The following CADM1 variants were observed in gnomAD, a reference collection of about 807,000 sequenced individuals.
The protein encoded by CADM1 is TSLC-1.
A neutral mutation model predicts 53.1 loss-of-function variants in CADM1; 15 were observed. The observed-to-expected ratio is 0.28, with a 90% CI of 0.19 to 0.44. The LOEUF (loss-of-function observed/expected upper bound fraction) is 0.44, where lower values mean the gene tolerates loss of function less well. Ranked by LOEUF, CADM1 falls within the 20% of genes least tolerant of loss-of-function variation. The pLI is 1.00. For synonymous variants in CADM1, 281 were observed against 243.0 expected (o/e 1.16, Z -1.45); for missense variants, 434 against 611.3 (o/e 0.71, Z 3.06).
intron 1 of CADM1, among the ~76,000 whole-genome samples, chr11:115,340,658 A>ATATTTTTTTT (rs60532835): frequency 1.7e-4 from 6 of 34,944 alleles, no homozygotes; most frequent in African/African-American, 5.6e-4. Context: ...ATATATATAT[A>ATATTTTTTTT]TTTTTTTTTT....
intron 1 of CADM1, among the ~76,000 whole-genome samples, chr11:115,374,163 C>G (rs1350771127): frequency 6.6e-6 from 1 of 152,050 alleles, no homozygotes; most frequent in African/African-American, 2.4e-5. Flanking sequence ...AAAAAACCTT[C>G]TAAGATGAGC....
chr11:115,202,605 TTTGA>T (rs1445861693), intron 8 of CADM1, among the ~76,000 whole-genome samples: 1 of 152,200 alleles, frequency 6.6e-6, no homozygotes, highest in African/African-American at 2.4e-5. Flanking sequence ...TTCTCTCATT[TTTGA>T]TTGTCATAAG....
At position 115,171,823 on chromosome 11, in the gene CADM1, T is replaced by A. The variant is rs1012068121; in HGVS notation, c.*4651A>T. On this transcript the variant is annotated 3_prime_UTR_variant, in exon 12 of 12. Transcript: ENST00000331581. The stretch of plus-strand genomic sequence containing the variant: ...TTGGAATAAGTCTGCTAATGAATGG[T>A]GAAGAGAAAAGGGTCATTAAACCTT... The A allele has an allele frequency of 2.0e-5, 3 of 152,172 alleles. No individual in the cohort carries two copies. Among genetic ancestry groups the A allele is most frequent in the African/African-American group, 7.2e-5 (3 of 41,412 alleles). 9.4% of individuals were successfully genotyped at this position (152,172 alleles called of 1,614,324 possible). A position where few individuals can be genotyped will look rare whatever the true frequency, so the allele number is the denominator to read the frequency against.
Position 115,238,612 on chromosome 11 carries a change from G to A in CADM1, c.312C>T (p.Ser104=). The A allele has an allele frequency of 6.2e-7, 1 of 1,613,866 alleles. No homozygotes were observed. Among genetic ancestry groups the A allele is most frequent in the Non-Finnish European group, 8.5e-7 (1 of 1,179,826 alleles). ...TTGTCAATGATACTTTGAGTTCACT[G>A]CTAGAAAAATTCAGCAACTGAAACC... is the stretch of plus-strand genomic sequence containing the variant. ...DSRFQLLNFS[S]SELKVSLTNV... is the part of the protein sequence containing the mutation. Residue 104 remains serine, a synonymous_variant, in exon 3 of 12, where the codon AGC becomes AGT. Coordinates refer to ENST00000331581, the MANE Select transcript of CADM1 (RefSeq NM_001301043.2).
intron 1 of CADM1, among the ~76,000 whole-genome samples, chr11:115,406,922 C>T (rs1255123629): frequency 1.3e-5 from 2 of 150,672 alleles, no homozygotes; most frequent in Non-Finnish European, 2.9e-5. Context: ...TGCACTCCAG[C>T]CTGGGCAACA....
At chr11:115,320,717 TAA>T (rs1944802122) in intron 1 of CADM1, among the ~76,000 whole-genome samples, 1 of 151,750 alleles carries the variant, frequency 6.6e-6, no homozygotes, top group South Asian at 2.1e-4. Flanking sequence ...TAATTAAATA[TAA>T]GTCAGGTCTC....
intron 1 of CADM1, among the ~76,000 whole-genome samples, chr11:115,305,559 G>A (rs575649902): frequency 1.7e-3 from 258 of 152,002 alleles, no homozygotes; most frequent in Non-Finnish European, 3.2e-3. Context: ...AATGAGATAA[G>A]GGATAAATAG....
chr11:115,443,955 C>T (rs767571606), intron 1 of CADM1, among the ~76,000 whole-genome samples: 1 of 152,184 alleles, frequency 6.6e-6, no homozygotes, highest in South Asian at 2.1e-4. Flanking sequence ...GGTGGTTGGT[C>T]GGGTCTTTTT....
Position 115,504,253 on chromosome 11 carries a change from G to A in CADM1, c.124+18C>T, listed in dbSNP as rs1473372247. 4 of 1,569,678 alleles carry A rather than the reference G, an allele frequency of 2.5e-6. No homozygotes were observed. The African/African-American group carries it at 4.1e-5, about 16-fold the overall frequency. ...CCTTCGGAGATTTAGGGGCCAACCG[G>A]TCGGTGCCCACACCTACCTGTGGGG... On this transcript the variant is annotated intron_variant, in intron 1 of 11. Transcript: ENST00000331581.
At chr11:115,344,549 C>T (rs536391907) in intron 1 of CADM1, among the ~76,000 whole-genome samples, 1 of 152,296 alleles carries the variant, frequency 6.6e-6, no homozygotes, top group East Asian at 1.9e-4. Context: ...AACTCCTCCC[C>T]TACCTCACCC....
intron 1 of CADM1, among the ~76,000 whole-genome samples, chr11:115,490,354 T>C (rs1011520968): frequency 2.0e-5 from 3 of 150,382 alleles, no homozygotes; most frequent in African/African-American, 7.4e-5. Flanking sequence ...TTCATCAGAA[T>C]AGGAAACATG....
intron 1 of CADM1, chr11:115,397,546 G>C (rs189366459): frequency 6.6e-6 from 1 of 152,282 alleles, no homozygotes; most frequent in East Asian, 1.9e-4. Context: ...CGCTGGCCTA[G>C]AGTTCCATCA....
At chr11:115,432,010 T>C (rs1948066683) in intron 1 of CADM1, among the ~76,000 whole-genome samples, 1 of 152,028 alleles carries the variant, frequency 6.6e-6, no homozygotes, top group Non-Finnish European at 1.5e-5. Flanking sequence ...AGTGGCGTGA[T>C]CTCGGCTCAC....
chr11:115,482,003 TGTGTACCCTCTCCAGCTTCATATTTTG>T (rs1949267708), intron 1 of CADM1, among the ~76,000 whole-genome samples: 1 of 152,198 alleles, frequency 6.6e-6, no homozygotes, highest in Admixed American at 6.5e-5. Context: ...ATTTGACAAT[TGTGTACCCTCTCCAGCTTCATATTTTG>T]GTGCTCCTTC....
rs1363661832 is a variant in CADM1, at chr11:115,175,879, A to G, written c.*595T>C. ...AGAGTTTTCATTGTTTGTTCACCCA[A>G]ATCTTTACGACAACAGAGAAGAATG... is the stretch of plus-strand genomic sequence containing the variant. On this transcript the variant is annotated 3_prime_UTR_variant, in exon 12 of 12. Coordinates refer to ENST00000331581, the MANE Select transcript of CADM1 (RefSeq NM_001301043.2). 5.0e-6 allele frequency: 5 copies of G among 994,630 alleles called. No individual in the cohort carries two copies. Among genetic ancestry groups the G allele is most frequent in the Non-Finnish European group, 6.0e-6 (5 of 835,280 alleles). 61.6% of individuals were successfully genotyped at this position (994,630 alleles called of 1,614,324 possible). A position where few individuals can be genotyped will look rare whatever the true frequency, so the allele number is the denominator to read the frequency against.
intron 11 of CADM1, 61 bp downstream of exon 11, chr11:115,178,583 A>G: frequency 1.3e-6 from 2 of 1,579,644 alleles, no homozygotes; most frequent in Non-Finnish European, 1.7e-6. Flanking sequence ...CAACCTTGTA[A>G]AGTCTCCAAA....
rs1939012588 is a variant in CADM1 at position 115,176,057 on chromosome 11, C to G, written c.*417G>C. ...AGGGAAGGAAAAGAGTCTAAGGAAT[C>G]CCAGCAGGCAAATTCCAAAATGGGA... On this transcript the variant is annotated 3_prime_UTR_variant, in exon 12 of 12. Transcript: ENST00000331581. 2.8e-6 allele frequency: 3 copies of G among 1,081,434 alleles called. No individual in the cohort carries two copies. The African/African-American group carries it at 5.1e-5, about 18-fold the overall frequency. 67.0% of individuals were successfully genotyped at this position (1,081,434 alleles called of 1,614,324 possible).
chr11:115,240,245 C>A (rs1237042586), intron 2 of CADM1, 29 bp downstream of exon 2: 7 of 1,610,902 alleles, frequency 4.3e-6, no homozygotes, highest in Non-Finnish European at 5.9e-6. Flanking sequence ...AAAAAGTTGC[C>A]ATCTACAACT....
chr11:115,282,091 T>C (rs545045306), intron 1 of CADM1, among the ~76,000 whole-genome samples: 2 of 152,328 alleles, frequency 1.3e-5, no homozygotes, highest in South Asian at 4.1e-4. Context: ...TTTTTTTTGG[T>C]AGACTCTTAA....
Sources: gnomAD v4.1 joint callset for allele counts (sites outside exome capture counted in the v4.1 genomes callset) on GRCh38, gnomAD v4.1.1 for gene constraint, MANE v1.5 for transcripts, NCBI Gene and HGNC (gene_info 2026-07-23, HGNC 2026-07-21) for gene names.